Variants in KIF13B observed in about 807,000 individuals in gnomAD.
KIF13B encodes the protein kinesin-like protein KIF13B.
Under a neutral mutation model 222.0 loss-of-function variants are expected in KIF13B, and 127 were observed. The observed-to-expected ratio is 0.57, with a 90% CI of 0.50 to 0.66. KIF13B has a LOEUF of 0.66. Among genes scored for constraint, KIF13B ranks in the 30% least tolerant of loss-of-function variants. The probability of loss-of-function intolerance (pLI) is 0.00; values close to 1 mark genes in which losing one functional copy is unlikely to be tolerated. For synonymous variants in KIF13B, 976 were observed against 919.0 expected, an observed-to-expected ratio of 1.06 and a Z score of -1.12; for missense variants, 2,173 against 2,379.0, an observed-to-expected ratio of 0.91 and a Z score of 1.80.
intron 21 of KIF13B, among the ~76,000 whole-genome samples, chr8:29,135,159 T>G (rs935668159): frequency 5.3e-5 from 8 of 152,144 alleles, no homozygotes; most frequent in African/African-American, 1.9e-4. Flanking sequence ...TCCTCCAGCC[T>G]CAGCCTCCCA....
In KIF13B at chr8:29,084,882, A is replaced by T. The variant is rs940113927; in HGVS notation, c.4458+7863T>A. Among the ~76,000 whole-genome samples the T allele has an allele frequency of 2.0e-5, 3 of 152,264 alleles. No individual in the cohort carries two copies. The East Asian group carries it at 5.8e-4, about 29-fold the overall frequency. On this transcript the variant is annotated intron_variant, in intron 37 of 39. Coordinates refer to ENST00000524189, the MANE Select transcript of KIF13B (RefSeq NM_015254.4). Reference sequence around the variant, plus strand: ...TTTCCAGATTAGTTACTAAACTTGCATCAGAAGGTCAAAGACAGCAATTTT... The same window carrying T: ...TTTCCAGATTAGTTACTAAACTTGCTTCAGAAGGTCAAAGACAGCAATTTT...
At chr8:29,106,696 TAA>T (rs1441033593) in intron 35 of KIF13B, among the ~76,000 whole-genome samples, 2 of 151,308 alleles carry the variant, frequency 1.3e-5, no homozygotes, top group African/African-American at 4.9e-5. Flanking sequence ...TCATTGTTCT[TAA>T]GTTTTTATAA....
At chr8:29,125,423 C>T (rs1041796321) in intron 26 of KIF13B, among the ~76,000 whole-genome samples, 1 of 152,096 alleles carries the variant, frequency 6.6e-6, no homozygotes, top group African/African-American at 2.4e-5. Flanking sequence ...GATGGAGAAA[C>T]GTGCGATGCA....
At chr8:29,158,026 A>T (rs1811614868) in intron 13 of KIF13B, among the ~76,000 whole-genome samples, 2 of 152,116 alleles carry the variant, frequency 1.3e-5, no homozygotes, top group African/African-American at 4.8e-5. Context: ...TTCTTTGAGC[A>T]CACTGAGCCT....
At chr8:29,114,778 G>A (rs1352489109) in intron 31 of KIF13B, among the ~76,000 whole-genome samples, 1 of 152,156 alleles carries the variant, frequency 6.6e-6, no homozygotes, top group Non-Finnish European at 1.5e-5. Context: ...CAAAAACCAA[G>A]CAACATGCGG....
At chr8:29,090,981 G>T (rs1378435533) in intron 37 of KIF13B, among the ~76,000 whole-genome samples, 1 of 152,178 alleles carries the variant, frequency 6.6e-6, no homozygotes, top group Non-Finnish European at 1.5e-5. Flanking sequence ...GCCTCCCTGA[G>T]GGCTGGGGTT....
chr8:29,220,732 G>A (rs1814704072), intron 2 of KIF13B, among the ~76,000 whole-genome samples: 1 of 152,136 alleles, frequency 6.6e-6, no homozygotes, highest in Admixed American at 6.5e-5. Flanking sequence ...GCTTGTAAAA[G>A]AGCGCAGGAA....
chr8:29,147,434 G>A lies in KIF13B; in HGVS notation c.1982C>T (p.Ser661Leu), dbSNP rs200956809. The A allele has an allele frequency of 1.2e-5, 20 of 1,610,998 alleles. No homozygotes were observed. The African/African-American group carries it at 1.9e-4, about 15-fold the overall frequency. ...TCTTAAGCGTTGCTGAGCGCTGGGC[G>A]AGTGGAAAGAAAACCTGTCCATGCT... ...CRSMDRFSFH[S>L]PSAQQRLRQW... is the part of the protein sequence containing the mutation. Residue 661 changes from serine (S) to leucine (L), a missense_variant, in exon 17 of 40, where the codon TCG becomes TTG. Physicochemically the swap from Ser to Leu is moderately radical, Grantham distance 145. Coordinates refer to ENST00000524189, the MANE Select transcript of KIF13B (RefSeq NM_015254.4).
chr8:29,118,874 A>T lies in KIF13B; in HGVS notation c.3654T>A (p.Asp1218Glu). 6.2e-7 allele frequency: 1 copy of T among 1,613,848 alleles called. No homozygotes were observed. Among genetic ancestry groups the T allele is most frequent in the Non-Finnish European group, 8.5e-7 (1 of 1,179,814 alleles). ...CAAGTTAGGCTTTCCTTACCTCCCC[A>T]TCATGCTGCTTCACAATCTGCAATT... Reference protein sequence around the residue: ...FFELQIVKQHDGEVKAEASWD... With the variant: ...FFELQIVKQHEGEVKAEASWD... Residue 1218 changes from aspartate (D) to glutamate (E), a missense_variant, in exon 30 of 40, where the codon GAT (aspartate) becomes GAA (glutamate). By Grantham distance (45) the Asp-to-Glu change is conservative. Coordinates refer to ENST00000524189, the MANE Select transcript of KIF13B (RefSeq NM_015254.4).
chr8:29,113,583 G>T lies in KIF13B; in HGVS notation c.3838-28C>A, dbSNP rs150926128. 4.4e-6 allele frequency: 6 copies of T among 1,357,782 alleles called. No individual in the cohort carries two copies. The Admixed American group carries it at 8.1e-5, about 18-fold the overall frequency. The allele number at this position is 1,357,782 out of a possible 1,614,324, so 84.1% of individuals were successfully genotyped here. ...AGAGAAAAACAAAATAGAAGATATG[G>T]TTTCCCACCTGAAAAACTGAGTTTA... On this transcript the variant is annotated intron_variant, in intron 31 of 39. Coordinates refer to ENST00000524189, the MANE Select transcript of KIF13B (RefSeq NM_015254.4).
At chr8:29,085,702 CTT>C (rs1164968644) in intron 37 of KIF13B, among the ~76,000 whole-genome samples, 117 of 85,958 alleles carry the variant, frequency 1.4e-3, no homozygotes, top group African/African-American at 5.7e-3. Context: ...CAGAAATACT[CTT>C]CTTTTTTTTT....
chr8:29,227,397 T>C (rs4732921), intron 2 of KIF13B, among the ~76,000 whole-genome samples: 10,393 of 152,082 alleles, frequency 0.068, 496 homozygotes, highest in African/African-American at 0.12. Context: ...TCAAGTGATT[T>C]TCCTGCCTCA....
chr8:29,094,257 G>T (rs569160599), intron 36 of KIF13B, among the ~76,000 whole-genome samples: 1 of 152,106 alleles, frequency 6.6e-6, no homozygotes, highest in African/African-American at 2.4e-5. Context: ...ACAGAATTGC[G>T]TTTCAACAGT....
intron 2 of KIF13B, among the ~76,000 whole-genome samples, chr8:29,198,566 G>T (rs536263795): frequency 2.0e-5 from 3 of 152,178 alleles, no homozygotes; most frequent in African/African-American, 7.2e-5. Flanking sequence ...CAAGTGATCC[G>T]CCCGCCTCGG....
chr8:29,180,287 A>G (rs1393183837), intron 7 of KIF13B, 49 bp from the exon 8 acceptor site: 1 of 1,586,352 alleles, frequency 6.3e-7, no homozygotes. Context: ...TGTGTAATAC[A>G]CACTAAAATC....
At chr8:29,096,072 C>CTT (rs1366885283) in intron 36 of KIF13B, among the ~76,000 whole-genome samples, 1 of 151,288 alleles carries the variant, frequency 6.6e-6, no homozygotes, top group Non-Finnish European at 1.5e-5. Context: ...GCCTCTGCCT[C>CTT]CCAGGTTCAA....
At chr8:29,193,133 T>C (rs2130362084) in intron 3 of KIF13B, among the ~76,000 whole-genome samples, 1 of 152,166 alleles carries the variant, frequency 6.6e-6, no homozygotes, top group East Asian at 1.9e-4. Flanking sequence ...TGGATGGGGC[T>C]GTGAGAAGGA....
At chr8:29,165,372 T>C (rs1427731603) in intron 12 of KIF13B, among the ~76,000 whole-genome samples, 1 of 152,172 alleles carries the variant, frequency 6.6e-6, no homozygotes, top group Non-Finnish European at 1.5e-5. Context: ...CTTAATAGAA[T>C]GCGGTGTTAA....
intron 35 of KIF13B, among the ~76,000 whole-genome samples, chr8:29,105,301 G>A (rs190980693): frequency 2.0e-5 from 3 of 152,228 alleles, no homozygotes; most frequent in African/African-American, 7.2e-5. Context: ...CCCACTGCAT[G>A]TACTGTCAAG....
Sources: allele counts gnomAD v4.1 joint callset (sites outside exome capture counted in the v4.1 genomes callset), GRCh38; gene constraint gnomAD v4.1.1; transcripts MANE v1.5; gene names NCBI Gene and HGNC (gene_info 2026-07-23, HGNC 2026-07-21).